PLCH2: variants seen among roughly 807,000 people sequenced by gnomAD.
PLCH2 encodes the protein 1-phosphatidylinositol 4,5-bisphosphate phosphodiesterase eta-2.
In PLCH2, 98 loss-of-function variants were observed where a neutral mutation model predicts 134.7. That is an observed-to-expected ratio of 0.73 (90% CI 0.62 to 0.86). The LOEUF (loss-of-function observed/expected upper bound fraction) is 0.86, where lower values mean the gene tolerates loss of function less well. PLCH2 is among the 40% of genes least tolerant of loss of function. The pLI is 0.00. For missense variants in PLCH2, 1,994 were observed against 1,986.6 expected, an observed-to-expected ratio of 1.00 and a Z score of -0.07; for synonymous variants, 974 against 827.5, an observed-to-expected ratio of 1.18 and a Z score of -3.04.
Position 2,504,783 on chromosome 1 carries a change from G to C in PLCH2, c.3821G>C (p.Arg1274Pro). The C allele has an allele frequency of 6.2e-7, 1 of 1,612,004 alleles. No individual in the cohort carries two copies. Among genetic ancestry groups the C allele is most frequent in the Non-Finnish European group, 8.5e-7 (1 of 1,179,688 alleles). ...GCCCCTAGCTTTGAGGGCGGCTCCCGCAGACTGAGCCACAGCCTGGGCCTC... is the reference window on the plus strand; with the variant it reads ...GCCCCTAGCTTTGAGGGCGGCTCCCCCAGACTGAGCCACAGCCTGGGCCTC... Reference protein sequence around the residue: ...DFAPSFEGGSRRLSHSLGLPG... With the variant: ...DFAPSFEGGSPRLSHSLGLPG... Residue 1274 changes from arginine to proline, a missense_variant, in exon 22 of 22, where the codon CGC (arginine) becomes CCC (proline). Transcript: ENST00000378486.
At chr1:2,425,582 T>G (rs946969168), upstream of PLCH2, among the ~76,000 whole-genome samples, 1 of 152,170 alleles carries the variant, frequency 6.6e-6, no homozygotes, top group African/African-American at 2.4e-5. Flanking sequence ...GGCATGATCT[T>G]GGCTGACTGC....
In PLCH2 at chr1:2,476,827, T is replaced by C. The variant is rs181490228; in HGVS notation, c.124+115T>C. The C allele has an allele frequency of 8.2e-6, 9 of 1,099,434 alleles. No homozygotes were observed. The East Asian group carries it at 2.2e-4, about 27-fold the overall frequency. 68.1% of individuals were successfully genotyped at this position (1,099,434 alleles called of 1,614,324 possible). ...CCTGGGCCTCCATCCCATCCTGCAC[T>C]CGCCTCCCCTGTCCCCCGGGTGCTC... is the stretch of plus-strand genomic sequence containing the variant. On this transcript the variant is annotated intron_variant, in intron 1 of 21. Coordinates refer to ENST00000378486, the MANE Select transcript of PLCH2 (RefSeq NM_014638.4).
In PLCH2 at chr1:2,504,083, G is replaced by A. The variant is rs2100750299; in HGVS notation, c.3121G>A (p.Val1041Met). Residue 1041 changes from valine (V) to methionine (M), a missense_variant, in exon 22 of 22, where the codon GTG (valine) becomes ATG (methionine). By Grantham distance (21) the Val-to-Met change is conservative (BLOSUM62 1). Coordinates refer to ENST00000378486, the MANE Select transcript of PLCH2 (RefSeq NM_014638.4). The part of the protein sequence containing the change: ...PPYPTGPGAN[V>M]ASPLEDTEEP... ...ATACCCCACAGGACCCGGAGCCAATGTGGCAAGCCCCCTAGAGGACACTGA... is the reference window on the plus strand; with the variant it reads ...ATACCCCACAGGACCCGGAGCCAATATGGCAAGCCCCCTAGAGGACACTGA... 1 of 1,548,382 alleles carries A rather than the reference G, an allele frequency of 6.5e-7. No homozygotes were observed. Among genetic ancestry groups the A allele is most frequent in the Non-Finnish European group, 8.7e-7 (1 of 1,147,228 alleles).
the PLCH2 span, among the ~76,000 whole-genome samples, chr1:2,420,857 G>A: frequency 1.3e-5 from 2 of 151,978 alleles, no homozygotes; most frequent in Admixed American, 6.5e-5. Flanking sequence ...TGTGTATCTC[G>A]TTTTTTGTAT....
rs1258072395 is a variant in PLCH2, at chr1:2,448,016, G to T, written c.115+17387G>T. ...CCAGGCTGTGCCGCAGTGCCTGTGG[G>T]TGGAGGGCATGGTGCCCCTGGCTGC... On this transcript the variant is annotated intron_variant, in intron 2 of 3. Coordinates refer to the PLCH2 transcript ENST00000609981. The surrounding 1 kb of genome is among the most constrained non-coding windows in gnomAD (Gnocchi z 4.0). Among the ~76,000 whole-genome samples the T allele has an allele frequency of 1.3e-5, 2 of 152,202 alleles. No homozygotes were observed. Among genetic ancestry groups the T allele is most frequent in the Non-Finnish European group, 2.9e-5 (2 of 68,028 alleles).
In PLCH2 at chr1:2,505,014, G is replaced by A. The variant is rs890660228; in HGVS notation, c.4052G>A (p.Ser1351Asn). The stretch of plus-strand genomic sequence containing the variant: ...CACAGCCGCGTGCGTGCCATTGCCA[G>A]CCGGGCCCGCCAGGCCCAGGAGCGG... Reference protein sequence around the residue: ...RSHSRVRAIASRARQAQERQQ... With the variant: ...RSHSRVRAIANRARQAQERQQ... Residue 1351 changes from serine (S) to asparagine (N), a missense_variant, in exon 22 of 22, where the codon AGC becomes AAC. Transcript: ENST00000378486. 1.9e-5 allele frequency: 29 copies of A among 1,542,104 alleles called. No homozygotes were observed. The highest frequency in any genetic ancestry group is 2.3e-5 in the Non-Finnish European group (26 of 1,150,356).
At chr1:2,468,104 G>A (rs1641154291) in intron 1 of PLCH2, among the ~76,000 whole-genome samples, 1 of 152,222 alleles carries the variant, frequency 6.6e-6, no homozygotes, top group Admixed American at 6.5e-5. Context: ...CCAGGGGCTG[G>A]TAGGCTCTGG....
intron 1 of PLCH2, among the ~76,000 whole-genome samples, chr1:2,427,751 G>A (rs1638868586): frequency 1.3e-5 from 2 of 152,148 alleles, no homozygotes; most frequent in African/African-American, 4.8e-5. Flanking sequence ...CGCAGGTATT[G>A]AAACAGAAGC....
chr1:2,480,084 G>A lies in PLCH2; in HGVS notation c.516-99G>A, dbSNP rs41315668. On this transcript the variant is annotated intron_variant, in intron 3 of 21. Transcript: ENST00000378486. ...CGGGTCACACACTGGGGAAGTGGCC[G>A]GTAGGCTGGGGTCCCCTATTCCTTC... The A allele has an allele frequency of 1.3e-5, 20 of 1,579,126 alleles. No homozygotes were observed. In the Admixed American group the frequency reaches 1.7e-4, roughly 14 times the overall value.
In PLCH2 at chr1:2,476,625, A is replaced by T; in HGVS notation, c.37A>T (p.Lys13Ter). 6.2e-7 allele frequency: 1 copy of T among 1,600,916 alleles called. No individual in the cohort carries two copies. The highest frequency in any genetic ancestry group is 8.5e-7 in the Non-Finnish European group (1 of 1,175,356). Residue 13 changes from lysine (K) to a stop codon, truncating the protein, a stop_gained, in exon 1 of 22, where the codon AAG (lysine) becomes TAG (stop). Coordinates refer to ENST00000378486, the MANE Select transcript of PLCH2 (RefSeq NM_014638.4). LOFTEE classifies it high-confidence loss of function. ...GPWPSPDSRT[K>*]GTVAWLAEVL... ...ATGGCCCTCCCCCGACAGCCGGACC[A>T]AGGGAACGGTGGCCTGGCTGGCGGA...
intron 21 of PLCH2, 158 bp from the exon 22 acceptor site, chr1:2,503,764 C>CG (rs1643369133): frequency 1.6e-6 from 1 of 616,562 alleles, no homozygotes; most frequent in Non-Finnish European, 2.9e-6. Flanking sequence ...GTGCCGCGCC[C>CG]GGGGGATGCC....
rs1001497918 is a variant in PLCH2 at position 2,498,224 on chromosome 1, C to A, written c.2225-299C>A. On this transcript the variant is annotated intron_variant, in intron 16 of 21. Transcript: ENST00000378486. This position sits in a 1 kb window ranked among gnomAD's most constrained non-coding sequence, Gnocchi z 5.4. ...GCCCTGGGGACACTGTCACCAGAGA[C>A]CCCACCCCTCATACCCCCAGGGACC... The A allele has an allele frequency of 4.8e-6, 2 of 413,004 alleles. No individual in the cohort carries two copies. The highest frequency in any genetic ancestry group is 8.8e-6 in the Non-Finnish European group (2 of 227,886). The allele number at this position is 413,004 out of a possible 1,614,324, so 25.6% of individuals were successfully genotyped here. A position where few individuals can be genotyped will look rare whatever the true frequency, so the allele number is the denominator to read the frequency against.
chr1:2,466,497 G>T (rs1174982122), upstream of PLCH2, among the ~76,000 whole-genome samples: 1 of 152,190 alleles, frequency 6.6e-6, no homozygotes. Flanking sequence ...CACACCTGGG[G>T]CCCCGCATGG....
At position 2,498,601 on chromosome 1, in the gene PLCH2, AG is replaced by A. The variant is rs1643024829; in HGVS notation, c.2304del (p.Gln768HisfsTer91). 1 of 1,580,278 alleles carries A rather than the reference AG, an allele frequency of 6.3e-7. No individual in the cohort carries two copies. Among genetic ancestry groups the A allele is most frequent in the Admixed American group, 1.7e-5 (1 of 57,356 alleles). Reference protein sequence around the residue: ...KQLVLRIISGQQLPKPRDSML... With the variant: ...KQLVLRIISGXQLPKPRDSML... The stretch of plus-strand genomic sequence containing the variant: ...CTGGTGCTCCGGATCATCAGTGGCC[AG>A]CAGCTTCCCAAGCCGCGCGACTCCA... On this transcript the variant is annotated frameshift_variant, in exon 17 of 22. Coordinates refer to ENST00000378486, the MANE Select transcript of PLCH2 (RefSeq NM_014638.4). LOFTEE classifies it high-confidence loss of function. The surrounding 1 kb of genome is among the most constrained non-coding windows in gnomAD (Gnocchi z 5.4).
chr1:2,446,929 G>A (rs1639971689), intron 2 of PLCH2, among the ~76,000 whole-genome samples: 1 of 152,236 alleles, frequency 6.6e-6, no homozygotes, highest in Admixed American at 6.5e-5. Flanking sequence ...CCATGCACAA[G>A]CACCTTTCCG....
intron 2 of PLCH2, among the ~76,000 whole-genome samples, chr1:2,458,133 T>C (rs532475171): frequency 1.8e-4 from 27 of 152,224 alleles, no homozygotes; most frequent in African/African-American, 6.5e-4. Flanking sequence ...CCTCGGGAGC[T>C]CTGACAGCAC....
chr1:2,455,808 T>A (rs1427696726), intron 2 of PLCH2, among the ~76,000 whole-genome samples: 1 of 152,038 alleles, frequency 6.6e-6, no homozygotes, highest in African/African-American at 2.4e-5. Flanking sequence ...TCCACCCCCC[T>A]GCAGGGCCTC....
chr1:2,488,495 G>A (rs548071002), intron 8 of PLCH2, among the ~76,000 whole-genome samples: 3 of 152,280 alleles, frequency 2.0e-5, no homozygotes, highest in South Asian at 2.1e-4. Flanking sequence ...GAGCCCCTGC[G>A]CCCTGCCTGC....
intron 5 of PLCH2, among the ~76,000 whole-genome samples, chr1:2,485,681 C>T (rs180684303): frequency 1.4e-4 from 22 of 152,164 alleles, no homozygotes; most frequent in African/African-American, 5.1e-4. Flanking sequence ...TGGCCTCGGC[C>T]TGGGGGTGCT....
Sources: allele counts gnomAD v4.1 joint callset (sites outside exome capture counted in the v4.1 genomes callset), GRCh38; gene constraint gnomAD v4.1.1; non-coding constraint Gnocchi (gnomAD v3.1); transcripts MANE v1.5; gene names NCBI Gene and HGNC (gene_info 2026-07-23, HGNC 2026-07-21).